SPOP: variants seen among roughly 807,000 people sequenced by gnomAD.
The protein encoded by SPOP is speckle type BTB/POZ protein.
Under a neutral mutation model 45.6 loss-of-function variants are expected in SPOP, and 11 were observed. The observed-to-expected ratio is 0.24, with a 90% CI of 0.15 to 0.40. The LOEUF is 0.40. SPOP is among the 10% of genes least tolerant of loss of function. The probability of loss-of-function intolerance (pLI) is 1.00; values close to 1 mark genes in which losing one functional copy is unlikely to be tolerated. For synonymous variants in SPOP, 166 were observed against 166.3 expected (o/e 1.00, Z 0.01); for missense variants, 152 against 465.6 (o/e 0.33, Z 6.20).
chr17:49,661,072 T>C (rs2072981153), intron 1 of SPOP, among the ~76,000 whole-genome samples: 1 of 152,098 alleles, frequency 6.6e-6, no homozygotes, highest in Non-Finnish European at 1.5e-5. Context: ...TCCATCAGAG[T>C]GGGGATTTTC....
intron 1 of SPOP, among the ~76,000 whole-genome samples, chr17:49,665,710 GCGA>G (rs1463060401): frequency 7.5e-6 from 1 of 134,102 alleles, no homozygotes. Context: ...CTGGCCAGGT[GCGA>G]TGGCTCATTC....
rs140696120 is a variant in SPOP, at chr17:49,656,485, A to C, written c.-67+21448T>G. Among the ~76,000 whole-genome samples, 926 of 152,206 alleles carry C rather than the reference A, an allele frequency of 6.1e-3. 13 individuals carry two copies. The highest frequency in any genetic ancestry group is 0.019 in the African/African-American group (807 of 41,530). On this transcript the variant is annotated intron_variant, in intron 1 of 9. Coordinates refer to ENST00000504102, the MANE Select transcript of SPOP (RefSeq NM_001007228.2). ...ATAAAAACCTCTCCACTACACCACA[A>C]CACAAACCCTCCTCTCCAATTAGTT... is the stretch of plus-strand genomic sequence containing the variant.
At chr17:49,675,433 C>T (rs2073186696) in intron 1 of SPOP, among the ~76,000 whole-genome samples, 1 of 152,096 alleles carries the variant, frequency 6.6e-6, no homozygotes, top group South Asian at 2.1e-4. Flanking sequence ...GGTGTATATG[C>T]TTGTAAAAGG....
chr17:49,656,516 T>C (rs1029004763), intron 1 of SPOP, among the ~76,000 whole-genome samples: 1 of 152,198 alleles, frequency 6.6e-6, no homozygotes, highest in Non-Finnish European at 1.5e-5. Flanking sequence ...TAGTTGACTC[T>C]AGCCTGTTTG....
At chr17:49,674,686 A>G (rs967229785) in intron 1 of SPOP, among the ~76,000 whole-genome samples, 14 of 152,252 alleles carry the variant, frequency 9.2e-5, no homozygotes, top group African/African-American at 3.4e-4. Flanking sequence ...TAAACAATTT[A>G]AAGTCAGAGC....
chr17:49,618,097 G>A (rs972382226), intron 5 of SPOP, among the ~76,000 whole-genome samples: 1 of 152,010 alleles, frequency 6.6e-6, no homozygotes, highest in Non-Finnish European at 1.5e-5. Flanking sequence ...TTGACCGAGC[G>A]AGTTGGCAAT....
chr17:49,660,213 CCA>C (rs1344258790), intron 1 of SPOP, among the ~76,000 whole-genome samples: 2 of 152,368 alleles, frequency 1.3e-5, no homozygotes, highest in Non-Finnish European at 2.9e-5. Flanking sequence ...TCACTTAACT[CCA>C]GTCATGCTGG....
Position 49,678,039 on chromosome 17 carries a change from C to T in SPOP, c.-173G>A, listed in dbSNP as rs956744998. 1 of 399,496 alleles carries T rather than the reference C, an allele frequency of 2.5e-6. No individual in the cohort carries two copies. The highest frequency in any genetic ancestry group is 1.3e-4 in the South Asian group (1 of 7,912). The allele number at this position is 399,496 out of a possible 1,614,324, so 24.7% of individuals were successfully genotyped here. A position where few individuals can be genotyped will look rare whatever the true frequency, so the allele number is the denominator to read the frequency against. On this transcript the variant is annotated 5_prime_UTR_variant, in exon 1 of 10. In the 5' UTR this introduces an upstream ATG that the reference lacks. Transcript: ENST00000504102. ...CCGCCGATACACAAATACACACACA[C>T]TCGGAGCGCGCACACTCACACACAC...
chr17:49,605,950 T>C (rs2071834615), intron 8 of SPOP, among the ~76,000 whole-genome samples: 11 of 151,094 alleles, frequency 7.3e-5, no homozygotes, highest in Admixed American at 7.2e-4. Flanking sequence ...ATCGTGCCAT[T>C]GCACTCCAGC....
At chr17:49,676,328 C>A (rs1385053149) in intron 1 of SPOP, among the ~76,000 whole-genome samples, 1 of 152,092 alleles carries the variant, frequency 6.6e-6, no homozygotes, top group African/African-American at 2.4e-5. Flanking sequence ...GATATATGCA[C>A]CCCAAATTTC....
At chr17:49,634,135 A>AG (rs1366189856) in intron 1 of SPOP, among the ~76,000 whole-genome samples, 1 of 152,218 alleles carries the variant, frequency 6.6e-6, no homozygotes, top group African/African-American at 2.4e-5. Context: ...CTGATTACAA[A>AG]GGGGCTATTT....
At chr17:49,670,684 G>A (rs919781061) in intron 1 of SPOP, among the ~76,000 whole-genome samples, 4 of 152,146 alleles carry the variant, frequency 2.6e-5, no homozygotes, top group Admixed American at 2.6e-4. Context: ...TGAATTTTCA[G>A]AAAACATTGT....
At position 49,600,828 on chromosome 17, in the gene SPOP, A is replaced by C. The variant is rs2071726359; in HGVS notation, c.981-306T>G. On this transcript the variant is annotated intron_variant, in intron 9 of 9. Transcript: ENST00000504102. The surrounding 1 kb of genome is among the most constrained non-coding windows in gnomAD (Gnocchi z 4.2). ...ATATTCACCGGTGATGCTAGTCATA[A>C]AAAGGAGCATGGGCTCCCTCGGCCA... 1 of 283,014 alleles carries C rather than the reference A, an allele frequency of 3.5e-6. No individual in the cohort carries two copies. The highest frequency in any genetic ancestry group is 6.8e-6 in the Non-Finnish European group (1 of 146,284). 17.5% of individuals were successfully genotyped at this position (283,014 alleles called of 1,614,324 possible).
intron 6 of SPOP, among the ~76,000 whole-genome samples, chr17:49,610,086 G>T (rs79499253): frequency 6.6e-6 from 1 of 152,164 alleles, no homozygotes; most frequent in Non-Finnish European, 1.5e-5. Flanking sequence ...AGGAGTTAAA[G>T]AGTGGTTAAG....
intron 1 of SPOP, among the ~76,000 whole-genome samples, chr17:49,665,975 T>C (rs2073052628): frequency 7.3e-6 from 1 of 137,638 alleles, no homozygotes; most frequent in African/African-American, 2.8e-5. Flanking sequence ...CGAGACTCCA[T>C]CTCAAAAAAA....
chr17:49,645,827 T>C (rs188126824), intron 1 of SPOP, among the ~76,000 whole-genome samples: 2 of 152,142 alleles, frequency 1.3e-5, no homozygotes, highest in East Asian at 1.9e-4. Flanking sequence ...CTTTCAAACA[T>C]GTTTTTCCTC....
chr17:49,656,000 C>T (rs549102199), intron 1 of SPOP, among the ~76,000 whole-genome samples: 93 of 152,080 alleles, frequency 6.1e-4, no homozygotes, highest in African/African-American at 2.2e-3. Context: ...TTAGTAGAGA[C>T]GGGGTTTCTC....
At chr17:49,624,581 A>G (rs986248844) in intron 1 of SPOP, among the ~76,000 whole-genome samples, 1 of 151,850 alleles carries the variant, frequency 6.6e-6, no homozygotes, top group Non-Finnish European at 1.5e-5. Context: ...CAATCCTCCT[A>G]CCTCAGCCTC....
intron 1 of SPOP, among the ~76,000 whole-genome samples, chr17:49,653,136 A>G (rs896336403): frequency 3.3e-5 from 5 of 152,122 alleles, no homozygotes; most frequent in African/African-American, 1.2e-4. Context: ...GTGACTGTGT[A>G]AGAATCTCTA....
Sources: allele counts gnomAD v4.1 joint callset (sites outside exome capture counted in the v4.1 genomes callset), GRCh38; gene constraint gnomAD v4.1.1; non-coding constraint Gnocchi (gnomAD v3.1); transcripts MANE v1.5; gene names NCBI Gene and HGNC (gene_info 2026-07-23, HGNC 2026-07-21).